The following NCOA2 variants were observed in gnomAD, a reference collection of about 807,000 sequenced individuals.
NCOA2 encodes the protein nuclear receptor coactivator 2, also known as class E basic helix-loop-helix protein 75.
NCOA2 carries 21 observed loss-of-function variants against 145.1 expected under a neutral mutation model. The observed-to-expected ratio is 0.14, with a 90% confidence interval of 0.10 to 0.21. NCOA2 has a LOEUF of 0.21. NCOA2 is among the 10% of genes least tolerant of loss of function. The pLI, the probability that NCOA2 is intolerant of heterozygous loss-of-function variation, is 1.00. For synonymous variants in NCOA2, 619 were observed against 637.5 expected, an observed-to-expected ratio of 0.97 and a Z score of 0.44; for missense variants, 1,472 against 1,837.6, an observed-to-expected ratio of 0.80 and a Z score of 3.64.
chr8:70,238,146 GCA>G (rs1586210554), intron 2 of NCOA2, among the ~76,000 whole-genome samples: 1 of 145,386 alleles, frequency 6.9e-6, no homozygotes, highest in South Asian at 2.1e-4. Flanking sequence ...ATAAGCATGT[GCA>G]CACGCGCGCG....
chr8:70,114,884 G>A (rs1039586400), intron 22 of NCOA2, among the ~76,000 whole-genome samples: 3 of 152,122 alleles, frequency 2.0e-5, no homozygotes, highest in Admixed American at 2.0e-4. Context: ...GAGTTCTAGT[G>A]GCCAAAGGTG....
At chr8:70,138,415 G>A in intron 14 of NCOA2, 83 bp from the exon 15 acceptor site, 7 of 1,313,424 alleles carry the variant, frequency 5.3e-6, no homozygotes, top group African/African-American at 1.5e-5. Context: ...TGAAATGTCT[G>A]GTTTATGAAA....
rs147149090 is a variant in NCOA2 at position 70,385,070 on chromosome 8, TGATA to T, written c.-77+18626_-77+18629del. On this transcript the variant is annotated intron_variant, in intron 1 of 22. Transcript: ENST00000452400. ...TTGCATTTCTGTTACACCCTTCAATTGATAAAGAAGGACCATAAAAACCTGACCA... is the reference window on the plus strand; with the variant it reads ...TTGCATTTCTGTTACACCCTTCAATTAAGAAGGACCATAAAAACCTGACCA... 4.7e-3 allele frequency among the ~76,000 whole-genome samples: 713 copies of T among 152,334 alleles called. 7 individuals are homozygous for T. Among genetic ancestry groups the T allele is most frequent in the African/African-American group, 0.017 (695 of 41,566 alleles).
rs540548426 is a variant in NCOA2 at position 70,235,777 on chromosome 8, A to C, written c.-19-19013T>G. Among the ~76,000 whole-genome samples, 182 of 152,258 alleles carry C rather than the reference A, an allele frequency of 1.2e-3. 1 individual carries two copies. The highest frequency in any genetic ancestry group is 4.0e-3 in the African/African-American group (168 of 41,538). ...GAGGATTTCTTGAGCCCAGGAGATC[A>C]AGGCTGCAGTGAACTATGATCGCAC... On this transcript the variant is annotated intron_variant, in intron 2 of 22. Transcript: ENST00000452400.
Position 70,124,854 on chromosome 8 carries a change from G to T in NCOA2, c.3928C>A (p.Gln1310Lys), listed in dbSNP as rs1450583863. The T allele has an allele frequency of 1.0e-5, 16 of 1,588,756 alleles. No individual in the cohort carries two copies. The highest frequency in any genetic ancestry group is 1.4e-5 in the Non-Finnish European group (16 of 1,172,510). Reference protein sequence around the residue: ...PFPPNYGISQQPDPGFTGATT... With the variant: ...PFPPNYGISQKPDPGFTGATT... ...GCCCCAGTAAAGCCTGGATCAGGTT[G>T]CTGACTTATTCCTTAAAAAAAAAAA... Residue 1310 changes from glutamine (Q) to lysine (K), a missense_variant, in exon 20 of 23, where the codon CAA (glutamine) becomes AAA (lysine). Around this residue, in one of 4 missense-constraint regions of NCOA2, gnomAD observed 232 missense variants for 290.6 expected, o/e 0.80. Transcript: ENST00000452400.
intron 2 of NCOA2, among the ~76,000 whole-genome samples, chr8:70,234,293 G>A (rs1676177772): frequency 6.6e-6 from 1 of 152,070 alleles, no homozygotes; most frequent in African/African-American, 2.4e-5. Flanking sequence ...CTACTTTTTG[G>A]CTATTATGAA....
At chr8:70,425,109 AG>A in the NCOA2 span, among the ~76,000 whole-genome samples, 2 of 152,190 alleles carry the variant, frequency 1.3e-5, no homozygotes, top group Non-Finnish European at 2.9e-5. Flanking sequence ...TCTAGAAACT[AG>A]GCAATACTAA....
At chr8:70,243,675 C>T (rs1822351181) in intron 2 of NCOA2, among the ~76,000 whole-genome samples, 1 of 151,068 alleles carries the variant, frequency 6.6e-6, no homozygotes, top group Non-Finnish European at 1.5e-5. Flanking sequence ...ACATATGGTG[C>T]TAGTGCTTTC....
chr8:70,223,651 C>T (rs1320750424), intron 2 of NCOA2, among the ~76,000 whole-genome samples: 1 of 152,130 alleles, frequency 6.6e-6, no homozygotes, highest in Non-Finnish European at 1.5e-5. Context: ...CATTGGTTGG[C>T]GTTTTCTACG....
intron 1 of NCOA2, among the ~76,000 whole-genome samples, chr8:70,344,947 T>C (rs1808487460): frequency 6.6e-6 from 1 of 152,212 alleles, no homozygotes; most frequent in South Asian, 2.1e-4. Context: ...ACGCCCAAAC[T>C]GCAGTTCTGT....
At chr8:70,264,297 C>T (rs961339491) in intron 2 of NCOA2, among the ~76,000 whole-genome samples, 5 of 151,622 alleles carry the variant, frequency 3.3e-5, no homozygotes, top group African/African-American at 9.7e-5. Flanking sequence ...GCAGGAGGAT[C>T]GCCTGAGGCC....
intron 7 of NCOA2, 146 bp from the exon 8 acceptor site, chr8:70,163,712 G>A (rs1813309559): frequency 3.2e-6 from 2 of 620,818 alleles, no homozygotes; most frequent in African/African-American, 3.7e-5. Context: ...GCTTCCTACT[G>A]GTTTTATTCT....
chr8:70,435,748 T>C, the NCOA2 span, among the ~76,000 whole-genome samples: 1 of 150,996 alleles, frequency 6.6e-6, no homozygotes, highest in Admixed American at 6.6e-5. Context: ...TTCCTCTCTT[T>C]CTTTTCTTTA....
At chr8:70,174,553 C>A (rs1290064129) in intron 5 of NCOA2, among the ~76,000 whole-genome samples, 1 of 152,166 alleles carries the variant, frequency 6.6e-6, no homozygotes, top group East Asian at 1.9e-4. Flanking sequence ...TAATTTAATT[C>A]TATGTTAATT....
At chr8:70,260,380 G>T (rs141909004) in intron 2 of NCOA2, among the ~76,000 whole-genome samples, 1 of 151,954 alleles carries the variant, frequency 6.6e-6, no homozygotes, top group Non-Finnish European at 1.5e-5. Flanking sequence ...CAATCCACCC[G>T]CCTCAGCCTC....
intron 2 of NCOA2, among the ~76,000 whole-genome samples, chr8:70,270,467 G>A (rs1037196978): frequency 2.6e-5 from 4 of 151,980 alleles, no homozygotes; most frequent in Non-Finnish European, 4.4e-5. Context: ...TGCAACTGAC[G>A]GCCACGGGAC....
At chr8:70,193,609 A>G (rs897963372) in intron 4 of NCOA2, among the ~76,000 whole-genome samples, 1 of 152,254 alleles carries the variant, frequency 6.6e-6, no homozygotes, top group Non-Finnish European at 1.5e-5. Context: ...ATGGTCTACC[A>G]GAGGAAAAAA....
chr8:70,445,402 GC>G, the NCOA2 span, among the ~76,000 whole-genome samples: 3 of 152,074 alleles, frequency 2.0e-5, no homozygotes, highest in Non-Finnish European at 2.9e-5. Context: ...TAATCAATTT[GC>G]TCCCCTGCTG....
upstream of NCOA2, among the ~76,000 whole-genome samples, chr8:70,405,478 AAT>A (rs1358084178): frequency 2.5e-5 from 2 of 80,478 alleles, no homozygotes; most frequent in Non-Finnish European, 4.3e-5. Flanking sequence ...AGCTAGCTGG[AAT>A]AATAGAATTA....
Sources: gnomAD v4.1 joint callset for allele counts (sites outside exome capture counted in the v4.1 genomes callset) on GRCh38, gnomAD v4.1.1 for gene constraint, gnomAD v4.1.1 regional missense constraint, MANE v1.5 for transcripts, NCBI Gene and HGNC (gene_info 2026-07-23, HGNC 2026-07-21) for gene names.